The following TCF4 variants were observed in gnomAD, a reference collection of about 807,000 sequenced individuals.
TCF4 encodes SL3-3 enhancer factor 2.
A neutral mutation model predicts 82.1 loss-of-function variants in TCF4; 3 were observed. The ratio of observed to expected loss-of-function variants is 0.04; its 90% CI spans 0.02 to 0.09. The LOEUF (loss-of-function observed/expected upper bound fraction) is 0.09. Among genes scored for constraint, TCF4 ranks in the 10% least tolerant of loss-of-function variants. TCF4 has a pLI of 1.00. For missense variants in TCF4, 518 were observed against 852.7 expected (o/e 0.61, Z 4.89); for synonymous variants, 276 against 309.6 (o/e 0.89, Z 1.14).
chr18:55,383,191 C>A (rs2092191212), intron 6 of TCF4, among the ~76,000 whole-genome samples: 1 of 152,210 alleles, frequency 6.6e-6, no homozygotes, highest in South Asian at 2.1e-4. Flanking sequence ...CTGTAAAACA[C>A]TAGAGTATAA....
intron 8 of TCF4, among the ~76,000 whole-genome samples, chr18:55,292,522 A>G (rs140744903): frequency 0.02 from 3,073 of 152,288 alleles, 74 homozygotes; most frequent in Middle Eastern, 0.027. Flanking sequence ...ATAAATTAGC[A>G]TCTAGTGAGA....
chr18:55,517,073 A>G (rs1441854775), intron 3 of TCF4, among the ~76,000 whole-genome samples: 1 of 152,208 alleles, frequency 6.6e-6, no homozygotes, highest in African/African-American at 2.4e-5. Flanking sequence ...CTTAAAAGTC[A>G]GAACCTTGTG....
intron 8 of TCF4, among the ~76,000 whole-genome samples, chr18:55,281,058 T>C (rs1204866818): frequency 1.3e-5 from 2 of 152,180 alleles, no homozygotes; most frequent in Non-Finnish European, 2.9e-5. Flanking sequence ...GGGATTTTTC[T>C]TAAGGCACTA....
rs564873664 is a variant in TCF4, at chr18:55,339,465, AATCGGATCT to A, written c.549+10885_549+10893del. Among the ~76,000 whole-genome samples, 262 of 152,336 alleles carry A rather than the reference AATCGGATCT, an allele frequency of 1.7e-3. 1 individual carries two copies. The highest frequency in any genetic ancestry group is 6.1e-3 in the African/African-American group (252 of 41,586). Reference sequence around the variant, plus strand: ...AATGACTACAAATGAGGGGTGGCTAAATCGGATCTATCGGCTTTCCAGAGAAAAATTATC... The same window carrying A: ...AATGACTACAAATGAGGGGTGGCTAAATCGGCTTTCCAGAGAAAAATTATC... On this transcript the variant is annotated intron_variant, in intron 8 of 19. Coordinates refer to ENST00000354452, the MANE Select transcript of TCF4 (RefSeq NM_001083962.2).
At chr18:55,403,553 G>A (rs751815440) in intron 5 of TCF4, 35 bp from the exon 6 acceptor site, 2 of 1,613,566 alleles carry the variant, frequency 1.2e-6, no homozygotes, top group South Asian at 1.1e-5. Flanking sequence ...TGTAAATTGT[G>A]TTTTTCCTTA....
At chr18:55,462,818 A>G (rs1306540392) in intron 4 of TCF4, among the ~76,000 whole-genome samples, 3 of 152,170 alleles carry the variant, frequency 2.0e-5, no homozygotes, top group Non-Finnish European at 4.4e-5. Flanking sequence ...TCCTCAACCC[A>G]TCCATATAAA....
intron 6 of TCF4, among the ~76,000 whole-genome samples, chr18:55,383,480 A>G (rs1489243767): frequency 3.3e-5 from 5 of 152,222 alleles, no homozygotes; most frequent in African/African-American, 1.2e-4. Flanking sequence ...GACTCGACCC[A>G]CACAAAGCCA....
At chr18:55,523,409 C>A (rs557187545) in intron 3 of TCF4, among the ~76,000 whole-genome samples, 1 of 151,864 alleles carries the variant, frequency 6.6e-6, no homozygotes, top group African/African-American at 2.4e-5. Context: ...ATAACCCTGG[C>A]AGGTCTTATC....
At chr18:55,447,836 G>A (rs2095552562) in intron 5 of TCF4, among the ~76,000 whole-genome samples, 1 of 152,124 alleles carries the variant, frequency 6.6e-6, no homozygotes. Context: ...AAGATATGAA[G>A]TGTAAAAACT....
chr18:55,359,282 TTC>T, intron 6 of TCF4, among the ~76,000 whole-genome samples: 1 of 152,248 alleles, frequency 6.6e-6, no homozygotes. Context: ...CAAATTATTT[TTC>T]TTTTTGTTTA....
intron 3 of TCF4, among the ~76,000 whole-genome samples, chr18:55,578,179 T>C (rs139727781): frequency 1.7e-3 from 260 of 152,276 alleles, no homozygotes; most frequent in Non-Finnish European, 3.3e-3. Context: ...GAACACGTGA[T>C]GACAAGTGGG....
chr18:55,232,068 A>C (rs74999248), intron 17 of TCF4: 2,469 of 176,420 alleles, frequency 0.014, 61 homozygotes, highest in African/African-American at 0.056. Flanking sequence ...TCTTATATAC[A>C]TCAGCATGTT....
intron 8 of TCF4, among the ~76,000 whole-genome samples, chr18:55,309,260 C>T (rs910582912): frequency 2.0e-5 from 3 of 151,068 alleles, no homozygotes; most frequent in South Asian, 2.1e-4. Flanking sequence ...TATAGATGAG[C>T]GCTACCATGC....
rs751932079 is a variant in TCF4, at chr18:55,511,330, T to TAAAAAA, written c.146-47194_146-47193insTTTTTT. Among the ~76,000 whole-genome samples the TAAAAAA allele has an allele frequency of 1.9e-4, 14 of 73,076 alleles. 2 individuals are homozygous for TAAAAAA. Among genetic ancestry groups the TAAAAAA allele is most frequent in the African/African-American group, 2.9e-4 (8 of 27,772 alleles). The allele number at this position is 73,076 out of a possible 152,430, so 47.9% of individuals were successfully genotyped here. ...TAGGTAATAGAGTAATTCCAAAAGTTTAAAAAAAAAAAAAAAAAAAGCATT... is the reference window on the plus strand; with the variant it reads ...TAGGTAATAGAGTAATTCCAAAAGTTAAAAAATAAAAAAAAAAAAAAAAAAAGCATT... On this transcript the variant is annotated intron_variant, in intron 3 of 19. Transcript: ENST00000354452.
At chr18:55,586,200 G>GCAGCAC in intron 2 of TCF4, 1 of 640,112 alleles carries the variant, frequency 1.6e-6, no homozygotes, top group Non-Finnish European at 2.2e-6. Flanking sequence ...AGCAGCAGCA[G>GCAGCAC]CAGCAGCAGC....
intron 5 of TCF4, among the ~76,000 whole-genome samples, chr18:55,459,141 T>G (rs956366133): frequency 6.6e-6 from 1 of 151,968 alleles, no homozygotes; most frequent in African/African-American, 2.4e-5. Flanking sequence ...TATTTAAGAG[T>G]TTAATGGGAA....
At chr18:55,569,651 T>C (rs775303586) in intron 3 of TCF4, among the ~76,000 whole-genome samples, 4 of 150,382 alleles carry the variant, frequency 2.7e-5, no homozygotes, top group Non-Finnish European at 4.4e-5. Context: ...AACAGAAAAA[T>C]AAGGTACTGA....
At chr18:55,609,400 T>G (rs2097705101) in intron 2 of TCF4, among the ~76,000 whole-genome samples, 1 of 152,188 alleles carries the variant, frequency 6.6e-6, no homozygotes, top group African/African-American at 2.4e-5. Flanking sequence ...AGAATTTGCT[T>G]TCTGAATGGC....
chr18:55,555,861 A>G (rs990709883), intron 3 of TCF4, among the ~76,000 whole-genome samples: 1 of 152,224 alleles, frequency 6.6e-6, no homozygotes, highest in African/African-American at 2.4e-5. Context: ...GAGCAAATTA[A>G]TGGACTGCCT....
Sources: allele counts gnomAD v4.1 joint callset (sites outside exome capture counted in the v4.1 genomes callset), GRCh38; gene constraint gnomAD v4.1.1; transcripts MANE v1.5; gene names NCBI Gene and HGNC (gene_info 2026-07-23, HGNC 2026-07-21).